PCDHGA7: variants seen among roughly 807,000 people sequenced by gnomAD.
PCDHGA7 encodes protocadherin gamma subfamily A, 7.
Under a neutral mutation model 58.3 loss-of-function variants are expected in PCDHGA7, and 44 were observed. The observed-to-expected ratio is 0.75, with a 90% CI of 0.59 to 0.97. PCDHGA7 has a LOEUF of 0.97. Ranked by LOEUF, PCDHGA7 falls within the 50% of genes least tolerant of loss-of-function variation. The pLI, the probability that PCDHGA7 is intolerant of heterozygous loss-of-function variation, is 0.00. For synonymous variants in PCDHGA7, 516 were observed against 504.2 expected (o/e 1.02, Z -0.31); for missense variants, 1,266 against 1,188.7 (o/e 1.06, Z -0.96).
intron 1 of PCDHGA7, chr5:141,389,469 A>G: frequency 6.2e-7 from 1 of 1,613,246 alleles, no homozygotes; most frequent in Non-Finnish European, 8.5e-7. Flanking sequence ...CTTCGAACTC[A>G]CACTGCAGGC....
At position 141,431,389 on chromosome 5, in the gene PCDHGA7, G is replaced by A; in HGVS notation, c.2424+46066G>A. 2 of 1,613,876 alleles carry A rather than the reference G, an allele frequency of 1.2e-6. No individual in the cohort carries two copies. The highest frequency in any genetic ancestry group is 1.7e-6 in the Non-Finnish European group (2 of 1,180,040). ...GCGAAGAAAAGGCTGCTCACCACCT[G>A]GTCCTTACGGCCTCCGACGGGGGCG... On this transcript the variant is annotated intron_variant, in intron 1 of 3. Coordinates refer to ENST00000518325, the MANE Select transcript of PCDHGA7 (RefSeq NM_018920.4). This position sits in a 1 kb window ranked among gnomAD's most constrained non-coding sequence, Gnocchi z 4.8.
intron 1 of PCDHGA7, among the ~76,000 whole-genome samples, chr5:141,471,791 A>C (rs904614629): frequency 1.3e-5 from 2 of 152,238 alleles, no homozygotes; most frequent in Admixed American, 1.3e-4. Context: ...ATGCTATGTC[A>C]TATAAAAGAC....
chr5:141,477,169 G>A lies in PCDHGA7; in HGVS notation c.2425-17638G>A. 6.2e-7 allele frequency: 1 copy of A among 1,614,198 alleles called. No individual in the cohort carries two copies. The highest frequency in any genetic ancestry group is 8.5e-7 in the Non-Finnish European group (1 of 1,180,042). The stretch of plus-strand genomic sequence containing the variant: ...TGGATGTGAATGACAACGCCCCGGA[G>A]ATCACAGTCACCTCCGTGTACAGCC... On this transcript the variant is annotated intron_variant, in intron 1 of 3. Transcript: ENST00000518325. The surrounding 1 kb of genome is among the most constrained non-coding windows in gnomAD (Gnocchi z 4.9).
Position 141,477,029 on chromosome 5 carries a change from A to G in PCDHGA7, c.2425-17778A>G. 6.2e-7 allele frequency: 1 copy of G among 1,614,238 alleles called. No homozygotes were observed. The highest frequency in any genetic ancestry group is 8.5e-7 in the Non-Finnish European group (1 of 1,180,040). ...CTTAGACCTTGTAACCGGGATGCTG[A>G]CAATCAAGGGTCGGCTGGACTTCGA... On this transcript the variant is annotated intron_variant, in intron 1 of 3. Coordinates refer to ENST00000518325, the MANE Select transcript of PCDHGA7 (RefSeq NM_018920.4). The surrounding 1 kb of genome is among the most constrained non-coding windows in gnomAD (Gnocchi z 4.9).
intron 1 of PCDHGA7, among the ~76,000 whole-genome samples, chr5:141,488,661 G>T (rs573211567): frequency 6.6e-6 from 1 of 152,246 alleles, no homozygotes; most frequent in African/African-American, 2.4e-5. Context: ...GGAGGGTGGG[G>T]GAATACATGG....
chr5:141,400,281 C>G, intron 1 of PCDHGA7: 5 of 1,614,016 alleles, frequency 3.1e-6, no homozygotes, highest in Non-Finnish European at 4.2e-6. Context: ...CCAGCCCTGC[C>G]GCCTGGAGCT....
rs367639640 is a variant in PCDHGA7 at position 141,384,043 on chromosome 5, G to A, written c.1144G>A (p.Val382Met). 1.6e-5 allele frequency: 26 copies of A among 1,612,650 alleles called. No individual in the cohort carries two copies. The highest frequency in any genetic ancestry group is 3.3e-5 in the Admixed American group (2 of 59,836). The change falls in exon 1 of 4, where the codon GTG becomes ATG. Residue 382 changes from valine to methionine, a missense_variant. Transcript: ENST00000518325. ...CAGAGATTCTGGAAAGAATGGTGAG[G>A]TGACCTGCACCATTCCAGAAAACCT... is the stretch of plus-strand genomic sequence containing the variant. ...QDRDSGKNGE[V>M]TCTIPENLPF... is the part of the protein sequence containing the mutation.
At position 141,422,850 on chromosome 5, in the gene PCDHGA7, G is replaced by A. The variant is rs184432819; in HGVS notation, c.2424+37527G>A. On this transcript the variant is annotated intron_variant, in intron 1 of 3. Transcript: ENST00000518325. Reference sequence around the variant, plus strand: ...TGATAGCACGTGACAGCGGGGACCCGCCCCTCAGCAGCAACGTGTCGCTGA... The same window carrying A: ...TGATAGCACGTGACAGCGGGGACCCACCCCTCAGCAGCAACGTGTCGCTGA... 154 of 1,614,204 alleles carry A rather than the reference G, an allele frequency of 9.5e-5. 1 individual carries two copies. The African/African-American group carries it at 1.3e-3, about 14-fold the overall frequency.
rs79464787 is a variant in PCDHGA7, at chr5:141,480,455, T to C, written c.2425-14352T>C. Among the ~76,000 whole-genome samples the C allele has an allele frequency of 7.4e-3, 1,134 of 152,274 alleles. 17 individuals are homozygous for C. The highest frequency in any genetic ancestry group is 0.026 in the African/African-American group (1,086 of 41,548). ...CAGCTATTACTATAATTATTTTTAT[T>C]AGTTCCTCACTCACCTAAAATCTCA... On this transcript the variant is annotated intron_variant, in intron 1 of 3. Transcript: ENST00000518325.
chr5:141,404,435 A>G, intron 1 of PCDHGA7: 2 of 1,613,032 alleles, frequency 1.2e-6, no homozygotes, highest in South Asian at 2.2e-5. Flanking sequence ...GGCAGAGGAT[A>G]CCATCCAAGG....
chr5:141,403,083 T>C lies in PCDHGA7; in HGVS notation c.2424+17760T>C, dbSNP rs775664314. 7 of 1,613,932 alleles carry C rather than the reference T, an allele frequency of 4.3e-6. No individual in the cohort carries two copies. The highest frequency in any genetic ancestry group is 2.7e-5 in the African/African-American group (2 of 74,948). ...CCTGAAGAGACAGAAAAGGGCTATATTGTGGGCAACATCTCCAAGGACCTG... is the reference window on the plus strand; with the variant it reads ...CCTGAAGAGACAGAAAAGGGCTATACTGTGGGCAACATCTCCAAGGACCTG... On this transcript the variant is annotated intron_variant, in intron 1 of 3. Transcript: ENST00000518325.
chr5:141,486,844 C>T lies in PCDHGA7; in HGVS notation c.2425-7963C>T, dbSNP rs150549306. The T allele has an allele frequency of 1.1e-5, 17 of 1,614,220 alleles. No homozygotes were observed. The highest frequency in any genetic ancestry group is 1.4e-5 in the Non-Finnish European group (16 of 1,180,026). ...TAACAGTTCGTCTATTTGTGCTGGACCTCAATGACAATGCTCCAGCTGTGC... is the reference window on the plus strand; with the variant it reads ...TAACAGTTCGTCTATTTGTGCTGGATCTCAATGACAATGCTCCAGCTGTGC... On this transcript the variant is annotated intron_variant, in intron 1 of 3. Transcript: ENST00000518325. The surrounding 1 kb of genome is among the most constrained non-coding windows in gnomAD (Gnocchi z 5.0).
At chr5:141,420,056 T>C (rs1241770239) in intron 1 of PCDHGA7, 1 of 1,614,044 alleles carries the variant, frequency 6.2e-7, no homozygotes, top group Admixed American at 1.7e-5. Flanking sequence ...AGTTCTCTGC[T>C]CCAAGTCCGG....
rs139867523 is a variant in PCDHGA7, at chr5:141,474,274, G to A, written c.2425-20533G>A. 1.2e-4 allele frequency among the ~76,000 whole-genome samples: 19 copies of A among 152,278 alleles called. No homozygotes were observed. In the East Asian group the frequency reaches 3.3e-3, roughly 26 times the overall value. On this transcript the variant is annotated intron_variant, in intron 1 of 3. Coordinates refer to ENST00000518325, the MANE Select transcript of PCDHGA7 (RefSeq NM_018920.4). ...AAGACTGATAAACCAGTGTATCTCT[G>A]AATAACCCACTAGATCAGTGCTTGT...
At chr5:141,393,909 A>G (rs2092874602) in intron 1 of PCDHGA7, 1 of 1,613,980 alleles carries the variant, frequency 6.2e-7, no homozygotes, top group Non-Finnish European at 8.5e-7. Flanking sequence ...CGGGACAGTA[A>G]TTGCCTTCTT....
intron 1 of PCDHGA7, chr5:141,420,929 G>A (rs1321290902): frequency 1.4e-5 from 5 of 362,196 alleles, no homozygotes; most frequent in Non-Finnish European, 2.5e-5. Flanking sequence ...AAAGGTGAGC[G>A]TAATCATTTC....
intron 1 of PCDHGA7, chr5:141,400,753 T>C: frequency 1.7e-6 from 1 of 597,232 alleles, no homozygotes; most frequent in Non-Finnish European, 2.9e-6. Flanking sequence ...CTTAGCTTCC[T>C]CTCTAGCAAA....
rs1561858566 is a variant in PCDHGA7 at position 141,432,177 on chromosome 5, C to G, written c.2424+46854C>G. ...AATCCCAGAGGAGTTTCCCTCGTCTCTGTGACCGCCCACGACCCCGACTGT... is the reference window on the plus strand; with the variant it reads ...AATCCCAGAGGAGTTTCCCTCGTCTGTGTGACCGCCCACGACCCCGACTGT... On this transcript the variant is annotated intron_variant, in intron 1 of 3. Transcript: ENST00000518325. This position sits in a 1 kb window ranked among gnomAD's most constrained non-coding sequence, Gnocchi z 6.0. The G allele has an allele frequency of 6.2e-7, 1 of 1,614,220 alleles. No homozygotes were observed. Among genetic ancestry groups the G allele is most frequent in the Admixed American group, 1.7e-5 (1 of 60,032 alleles).
chr5:141,390,332 A>T, intron 1 of PCDHGA7: 1 of 1,600,116 alleles, frequency 6.2e-7, no homozygotes, highest in Non-Finnish European at 8.5e-7. Flanking sequence ...CCATTTCTCC[A>T]TATTCACAAG....
Sources: gnomAD v4.1 joint callset for allele counts (sites outside exome capture counted in the v4.1 genomes callset) on GRCh38, gnomAD v4.1.1 for gene constraint, Gnocchi (gnomAD v3.1) non-coding constraint, MANE v1.5 for transcripts, NCBI Gene and HGNC (gene_info 2026-07-23, HGNC 2026-07-21) for gene names.